The following GRAP2 variants were observed in gnomAD, a reference collection of about 807,000 sequenced individuals.
GRAP2 encodes the protein GRB2 related adaptor protein 2.
In GRAP2, 31 loss-of-function variants were observed where a neutral mutation model predicts 43.5. That is an observed-to-expected ratio of 0.71 (90% CI 0.54 to 0.96). GRAP2 has a LOEUF of 0.96. Among genes scored for constraint, GRAP2 ranks in the 40% least tolerant of loss-of-function variants. The probability of loss-of-function intolerance (pLI) is 0.00; values close to 1 mark genes in which losing one functional copy is unlikely to be tolerated. For synonymous variants in GRAP2, 156 were observed against 164.8 expected (o/e 0.95, Z 0.41); for missense variants, 371 against 424.4 (o/e 0.87, Z 1.11).
chr22:39,968,526 T>G, intron 6 of GRAP2: 1 of 511,620 alleles, frequency 2.0e-6, no homozygotes, highest in Admixed American at 3.6e-5. Flanking sequence ...CACACACACT[T>G]CCCCTGAGGA....
rs773890309 is a variant in GRAP2 at position 39,971,102 on chromosome 22, A to G, written c.*18A>G. ...CCCGATAAACTCTTCAGGGGACAGA[A>G]GCTTTTTGTCTGGAGCTGCCCACAA... On this transcript the variant is annotated 3_prime_UTR_variant, in exon 8 of 8. Coordinates refer to ENST00000344138, the MANE Select transcript of GRAP2 (RefSeq NM_004810.4). 1.3e-6 allele frequency: 2 copies of G among 1,593,718 alleles called. No homozygotes were observed. Among genetic ancestry groups the G allele is most frequent in the Non-Finnish European group, 1.7e-6 (2 of 1,169,890 alleles).
chr22:39,910,757 C>A (rs1171815919), intron 1 of GRAP2, among the ~76,000 whole-genome samples: 2 of 147,872 alleles, frequency 1.4e-5, no homozygotes, highest in African/African-American at 5.0e-5. Context: ...AAAAAAAAAA[C>A]CCTAGGACAG....
chr22:39,957,093 C>G (rs2067062249), intron 3 of GRAP2, among the ~76,000 whole-genome samples: 1 of 152,168 alleles, frequency 6.6e-6, no homozygotes, highest in African/African-American at 2.4e-5. Flanking sequence ...GAATTGACCA[C>G]AAGGGTTAGA....
intron 1 of GRAP2, among the ~76,000 whole-genome samples, chr22:39,913,344 G>C (rs2145578235): frequency 6.6e-6 from 1 of 152,248 alleles, no homozygotes; most frequent in Non-Finnish European, 1.5e-5. Flanking sequence ...TCAAAATCGT[G>C]TTAGACATGG....
chr22:39,910,597 C>T (rs544708203), intron 1 of GRAP2, among the ~76,000 whole-genome samples: 226 of 151,752 alleles, frequency 1.5e-3, no homozygotes, highest in African/African-American at 5.1e-3. Context: ...TTAGTAGAGA[C>T]GGGGTTTCAC....
chr22:39,961,481 G>A (rs1252049978), intron 4 of GRAP2, among the ~76,000 whole-genome samples: 1 of 152,208 alleles, frequency 6.6e-6, no homozygotes, highest in Non-Finnish European at 1.5e-5. Context: ...CTTCAACACA[G>A]TACAGTACAG....
intron 1 of GRAP2, among the ~76,000 whole-genome samples, chr22:39,903,542 A>G (rs772514889): frequency 2.3e-4 from 34 of 150,414 alleles, no homozygotes; most frequent in Non-Finnish European, 8.9e-5. Context: ...CAGTGGCACA[A>G]TCACAGCTCA....
chr22:39,902,004 A>G (rs191768745), intron 1 of GRAP2, among the ~76,000 whole-genome samples: 17 of 152,318 alleles, frequency 1.1e-4, no homozygotes, highest in Admixed American at 9.8e-4. Context: ...CAAAGGTTTC[A>G]CTAATTTAAA....
At chr22:39,954,275 A>G (rs1367750158) in intron 2 of GRAP2, among the ~76,000 whole-genome samples, 2 of 152,274 alleles carry the variant, frequency 1.3e-5, no homozygotes, top group African/African-American at 4.8e-5. Flanking sequence ...CTCAAAGTCC[A>G]GAAGTAGGAA....
chr22:39,927,589 G>A (rs942664777), intron 1 of GRAP2, among the ~76,000 whole-genome samples: 2 of 152,092 alleles, frequency 1.3e-5, no homozygotes, highest in Non-Finnish European at 2.9e-5. Context: ...TAATCGCATC[G>A]GGAGAGGTAA....
chr22:39,946,665 C>G (rs762095797), intron 1 of GRAP2, among the ~76,000 whole-genome samples: 6 of 152,150 alleles, frequency 3.9e-5, no homozygotes, highest in East Asian at 1.9e-4. Flanking sequence ...ATTAACACTG[C>G]CTGGTTAAAT....
chr22:39,935,475 G>T (rs963986620), intron 1 of GRAP2, among the ~76,000 whole-genome samples: 6 of 152,096 alleles, frequency 3.9e-5, no homozygotes, highest in Non-Finnish European at 7.4e-5. Flanking sequence ...AATACAAGAG[G>T]TGTTGAACCA....
In GRAP2 at chr22:39,933,937, G is replaced by A. The variant is rs1601709521; in HGVS notation, c.-14-13156G>A. ...AAGCAAGGAGAATAGGGTGGAGGAGGAACAGGAACACAGTAGCTAAGGTGA... is the reference window on the plus strand; with the variant it reads ...AAGCAAGGAGAATAGGGTGGAGGAGAAACAGGAACACAGTAGCTAAGGTGA... On this transcript the variant is annotated intron_variant, in intron 1 of 7. Coordinates refer to ENST00000344138, the MANE Select transcript of GRAP2 (RefSeq NM_004810.4). Among the ~76,000 whole-genome samples the A allele has an allele frequency of 3.3e-5, 5 of 152,286 alleles. 1 individual carries two copies. Among genetic ancestry groups the A allele is most frequent in the Admixed American group, 3.3e-4 (5 of 15,306 alleles).
chr22:39,900,492 A>T (rs1265720556), upstream of GRAP2, among the ~76,000 whole-genome samples: 1 of 152,218 alleles, frequency 6.6e-6, no homozygotes, highest in African/African-American at 2.4e-5. Flanking sequence ...TGAGTGGTAC[A>T]TTTAAAGGTA....
chr22:39,954,806 T>A (rs536577276), intron 2 of GRAP2, among the ~76,000 whole-genome samples: 1 of 152,336 alleles, frequency 6.6e-6, no homozygotes, highest in East Asian at 1.9e-4. Flanking sequence ...GTGAGTAATA[T>A]GAGTAACTGA....
rs149610155 is a variant in GRAP2, at chr22:39,966,041, T to C, written c.342T>C (p.Asn114=). Residue 114 remains asparagine (N), a synonymous_variant, in exon 5 of 8, where the codon AAT becomes AAC. Transcript: ENST00000344138. ...HFKVMRDNKG[N]YFLWTEKFPS... The stretch of plus-strand genomic sequence containing the variant: ...AGGTCATGCGAGACAACAAGGGTAA[T>C]TACTTTCTGTGGACTGAGAAGTTTC... The C allele has an allele frequency of 1.2e-6, 2 of 1,613,998 alleles. No individual in the cohort carries two copies. Among genetic ancestry groups the C allele is most frequent in the East Asian group, 4.5e-5 (2 of 44,892 alleles).
In GRAP2 at chr22:39,960,109, G is replaced by C. The variant is rs1429219429; in HGVS notation, c.225G>C (p.Lys75Asn). ...AGGCAGAGAACTTACTCATGGGCAA[G>C]GAGGTTGGCTTCTTCATCATCCGGG... ...RHQAENLLMG[K>N]EVGFFIIRAS... The change falls in exon 4 of 8, where the codon AAG (lysine) becomes AAC (asparagine). Residue 75 changes from lysine to asparagine, a missense_variant. Transcript: ENST00000344138. 1 of 1,612,988 alleles carries C rather than the reference G, an allele frequency of 6.2e-7. No homozygotes were observed.
chr22:39,966,911 C>A (rs1283384013), intron 5 of GRAP2, among the ~76,000 whole-genome samples: 1 of 152,128 alleles, frequency 6.6e-6, no homozygotes, highest in African/African-American at 2.4e-5. Flanking sequence ...CTTAATACAG[C>A]TAAGCACTAC....
intron 1 of GRAP2, among the ~76,000 whole-genome samples, chr22:39,929,414 G>A (rs1359649443): frequency 6.6e-6 from 1 of 152,202 alleles, no homozygotes; most frequent in African/African-American, 2.4e-5. Flanking sequence ...ATGGTTAAAA[G>A]CTAGCATTCC....
Sources: gnomAD v4.1 joint callset for allele counts (sites outside exome capture counted in the v4.1 genomes callset) on GRCh38, gnomAD v4.1.1 for gene constraint, MANE v1.5 for transcripts, NCBI Gene and HGNC (gene_info 2026-07-23, HGNC 2026-07-21) for gene names.